The following SH3BGRL2 variants were observed in gnomAD, a reference collection of about 807,000 sequenced individuals.
SH3BGRL2 encodes the protein SH3 domain binding glutamate rich protein like 2, also known as SH3 domain-binding glutamic acid-rich-like protein 2.
SH3BGRL2 carries 21 observed loss-of-function variants against 14.8 expected under a neutral mutation model. The observed-to-expected ratio is 1.42, with a 90% CI of 1.01 to 2.05. SH3BGRL2 has a LOEUF of 2.05. Ranked by LOEUF, SH3BGRL2 falls within the 30% of genes most tolerant of loss-of-function variation. The pLI is 0.00. For missense variants in SH3BGRL2, 147 were observed against 130.8 expected (o/e 1.12, Z -0.61); for synonymous variants, 50 against 47.8 (o/e 1.05, Z -0.19).
the SH3BGRL2 span, among the ~76,000 whole-genome samples, chr6:79,597,089 G>T: frequency 6.6e-6 from 1 of 152,198 alleles, no homozygotes; most frequent in South Asian, 2.1e-4. Context: ...AATTAGCCAA[G>T]TGTGGTGGCA....
At chr6:79,626,199 C>T in the SH3BGRL2 span, among the ~76,000 whole-genome samples, 1 of 152,124 alleles carries the variant, frequency 6.6e-6, no homozygotes, top group South Asian at 2.1e-4. Flanking sequence ...AGGAGGATTG[C>T]TTGAGGCCAG....
intron 2 of SH3BGRL2, among the ~76,000 whole-genome samples, chr6:79,685,494 A>G (rs1428017108): frequency 1.3e-5 from 2 of 152,118 alleles, no homozygotes; most frequent in East Asian, 1.9e-4. Flanking sequence ...CCATTCATGT[A>G]TTAATATCTA....
chr6:79,687,669 G>A (rs905012755), intron 2 of SH3BGRL2, among the ~76,000 whole-genome samples: 8 of 152,092 alleles, frequency 5.3e-5, no homozygotes, highest in African/African-American at 1.2e-4. Context: ...GCTACCCTTC[G>A]GCTTGAAAGA....
chr6:79,593,501 A>G, the SH3BGRL2 span, among the ~76,000 whole-genome samples: 1 of 152,348 alleles, frequency 6.6e-6, no homozygotes, highest in East Asian at 1.9e-4. Flanking sequence ...ATTTGGGTGA[A>G]GAGTCTGAAA....
the SH3BGRL2 span, among the ~76,000 whole-genome samples, chr6:79,563,563 C>A: frequency 6.6e-6 from 1 of 152,052 alleles, no homozygotes; most frequent in Non-Finnish European, 1.5e-5. Context: ...AGAAACTTTT[C>A]TCTTGCTGGT....
At chr6:79,690,028 T>C (rs1351274487) in intron 2 of SH3BGRL2, among the ~76,000 whole-genome samples, 1 of 149,464 alleles carries the variant, frequency 6.7e-6, no homozygotes, top group East Asian at 2.1e-4. Context: ...CTGTCACCCA[T>C]GCAGGCTGTA....
At chr6:79,660,165 T>A (rs1562150233) in intron 1 of SH3BGRL2, among the ~76,000 whole-genome samples, 1 of 152,216 alleles carries the variant, frequency 6.6e-6, no homozygotes, top group Non-Finnish European at 1.5e-5. Flanking sequence ...GGCTAGAACT[T>A]CCAACACTGT....
the SH3BGRL2 span, chr6:79,561,387 T>TGTATGGTTGTACTATATTGTAA: frequency 6.6e-6 from 1 of 152,094 alleles, no homozygotes; most frequent in East Asian, 1.9e-4. Flanking sequence ...TAGAGAACAA[T>TGTATGGTTGTACTATATTGTAA]GTATGGTTGT....
upstream of SH3BGRL2, chr6:79,631,266 T>A (rs1582709332): frequency 2.4e-6 from 1 of 423,040 alleles, no homozygotes; most frequent in Non-Finnish European, 4.1e-6. Flanking sequence ...TCCCTCTCCT[T>A]CCCCTTCAGC....
the SH3BGRL2 span, among the ~76,000 whole-genome samples, chr6:79,576,476 A>C: frequency 6.6e-6 from 1 of 152,164 alleles, no homozygotes; most frequent in African/African-American, 2.4e-5. Flanking sequence ...GTAGCATTCG[A>C]AAGATAGTTT....
the SH3BGRL2 span, among the ~76,000 whole-genome samples, chr6:79,577,661 T>C: frequency 2.6e-5 from 4 of 152,322 alleles, no homozygotes; most frequent in Non-Finnish European, 5.9e-5. Context: ...AAGGGGAAGA[T>C]GGCTGAATAG....
the SH3BGRL2 span, among the ~76,000 whole-genome samples, chr6:79,602,272 C>T: frequency 3.3e-5 from 5 of 151,968 alleles, no homozygotes; most frequent in Admixed American, 2.0e-4. Flanking sequence ...AACAAGTCAT[C>T]AAATAAAAAA....
the SH3BGRL2 span, among the ~76,000 whole-genome samples, chr6:79,576,692 A>G: frequency 1.3e-5 from 2 of 152,186 alleles, no homozygotes; most frequent in African/African-American, 2.4e-5. Flanking sequence ...GCACACGTCG[A>G]TAAGTTTTAA....
At chr6:79,547,692 ACTG>A in the SH3BGRL2 span, among the ~76,000 whole-genome samples, 1 of 152,190 alleles carries the variant, frequency 6.6e-6, no homozygotes, top group Admixed American at 6.5e-5. Context: ...TACTTCAAAA[ACTG>A]AAAGTAATCA....
At chr6:79,581,012 T>C in the SH3BGRL2 span, among the ~76,000 whole-genome samples, 1 of 152,130 alleles carries the variant, frequency 6.6e-6, no homozygotes, top group Non-Finnish European at 1.5e-5. Context: ...TATAAACACC[T>C]CTACGCAAAT....
At chr6:79,575,732 A>G in the SH3BGRL2 span, among the ~76,000 whole-genome samples, 1 of 152,034 alleles carries the variant, frequency 6.6e-6, no homozygotes. Context: ...TTAAACTTTC[A>G]TGTTACTCAA....
At chr6:79,658,250 A>G (rs1769463840) in intron 1 of SH3BGRL2, among the ~76,000 whole-genome samples, 2 of 152,082 alleles carry the variant, frequency 1.3e-5, no homozygotes, top group Admixed American at 1.3e-4. Context: ...GCACCCATCA[A>G]CTCATCGTTT....
At chr6:79,589,204 ATAT>A in the SH3BGRL2 span, among the ~76,000 whole-genome samples, 2 of 85,482 alleles carry the variant, frequency 2.3e-5, no homozygotes, top group Non-Finnish European at 5.2e-5. Context: ...ATATATATAT[ATAT>A]TTTTTTTTTT....
chr6:79,583,064 A>G, the SH3BGRL2 span, among the ~76,000 whole-genome samples: 11 of 152,362 alleles, frequency 7.2e-5, no homozygotes, highest in Admixed American at 2.0e-4. Context: ...GAGAAATGCA[A>G]ATTAAAACCA....
Sources: gnomAD v4.1 joint callset for allele counts (sites outside exome capture counted in the v4.1 genomes callset) on GRCh38, gnomAD v4.1.1 for gene constraint, MANE v1.5 for transcripts, NCBI Gene and HGNC (gene_info 2026-07-23, HGNC 2026-07-21) for gene names.